The following SGCZ variants were observed in gnomAD, a reference collection of about 807,000 sequenced individuals.
SGCZ encodes the protein zeta-sarcoglycan.
Under a neutral mutation model 41.3 loss-of-function variants are expected in SGCZ, and 40 were observed. The ratio of observed to expected loss-of-function variants is 0.97; its 90% CI spans 0.75 to 1.26. The LOEUF is 1.26. Among genes scored for constraint, SGCZ ranks in the 50% most tolerant of loss-of-function variants. The pLI is 0.00. For synonymous variants in SGCZ, 206 were observed against 137.5 expected (o/e 1.50, Z -3.49); for missense variants, 552 against 369.8 (o/e 1.49, Z -4.04).
intron 1 of SGCZ, among the ~76,000 whole-genome samples, chr8:15,011,883 T>A (rs919434158): frequency 1.3e-5 from 2 of 152,228 alleles, no homozygotes; most frequent in African/African-American, 4.8e-5. Context: ...ATTTGTACTA[T>A]AAGTTTATTC....
At chr8:14,646,594 T>G (rs1227829350) in intron 1 of SGCZ, among the ~76,000 whole-genome samples, 3 of 151,918 alleles carry the variant, frequency 2.0e-5, no homozygotes, top group African/African-American at 7.2e-5. Context: ...TTTGCTGGAT[T>G]GGATGGTAGT....
intron 3 of SGCZ, among the ~76,000 whole-genome samples, chr8:14,239,304 C>G (rs975280416): frequency 1.3e-5 from 2 of 151,066 alleles, no homozygotes; most frequent in Admixed American, 1.3e-4. Flanking sequence ...TCAATCTTGG[C>G]AAAATTCAAT....
intron 3 of SGCZ, chr8:14,319,609 T>G (rs1801851427): frequency 6.6e-6 from 1 of 151,936 alleles, no homozygotes; most frequent in African/African-American, 2.4e-5. Context: ...AACTGAGAAA[T>G]GGAAAATCCA....
At chr8:14,321,133 CT>C (rs908700699) in intron 3 of SGCZ, among the ~76,000 whole-genome samples, 3 of 152,166 alleles carry the variant, frequency 2.0e-5, no homozygotes, top group Middle Eastern at 3.4e-3. Context: ...GATTACACAT[CT>C]TTTGTATTGT....
chr8:14,216,983 G>A (rs1806015659), intron 4 of SGCZ, among the ~76,000 whole-genome samples: 1 of 152,144 alleles, frequency 6.6e-6, no homozygotes, highest in Non-Finnish European at 1.5e-5. Context: ...CATATGTGGT[G>A]AAATTGTATA....
rs201855098 is a variant in SGCZ at position 14,462,277 on chromosome 8, G to GA, written c.234+92454dup. On this transcript the variant is annotated intron_variant, in intron 2 of 7. Transcript: ENST00000382080. ...ATGGAAAAAACATATAGAGGTGCAA[G>GA]AAAAAAAAATGGAACACACAGGTAT... Among the ~76,000 whole-genome samples the GA allele has an allele frequency of 8.2e-3, 1,220 of 149,348 alleles. 23 individuals are homozygous for GA. Among genetic ancestry groups the GA allele is most frequent in the African/African-American group, 0.029 (1,166 of 40,864 alleles).
At chr8:14,282,909 G>A (rs1357427527) in intron 3 of SGCZ, among the ~76,000 whole-genome samples, 1 of 127,522 alleles carries the variant, frequency 7.8e-6, no homozygotes, top group East Asian at 2.4e-4. Context: ...GAGTGTAGTG[G>A]CGCGATCTCA....
At chr8:14,745,670 T>C (rs370443761) in intron 1 of SGCZ, among the ~76,000 whole-genome samples, 37 of 152,006 alleles carry the variant, frequency 2.4e-4, no homozygotes, top group African/African-American at 6.0e-4. Context: ...CACATACATA[T>C]ACGTATCTAT....
chr8:14,910,712 T>C (rs976431013), intron 1 of SGCZ, among the ~76,000 whole-genome samples: 8 of 151,878 alleles, frequency 5.3e-5, no homozygotes, highest in Non-Finnish European at 1.2e-4. Flanking sequence ...GCCCAAAATT[T>C]CTTCAAATTT....
At chr8:14,263,814 T>G (rs908159155) in intron 3 of SGCZ, among the ~76,000 whole-genome samples, 1 of 152,080 alleles carries the variant, frequency 6.6e-6, no homozygotes, top group Non-Finnish European at 1.5e-5. Context: ...ACTGCCATCT[T>G]CACCCCTCTC....
At chr8:14,687,830 A>G (rs1182366146) in intron 1 of SGCZ, among the ~76,000 whole-genome samples, 1 of 151,922 alleles carries the variant, frequency 6.6e-6, no homozygotes, top group South Asian at 2.1e-4. Context: ...AAGTGTTCCT[A>G]TTTCTCCACA....
At chr8:15,082,458 A>G (rs947020398) in intron 1 of SGCZ, among the ~76,000 whole-genome samples, 45 of 121,798 alleles carry the variant, frequency 3.7e-4, no homozygotes, top group Admixed American at 2.8e-3. Flanking sequence ...GTGTGTGTGT[A>G]TAAAACTGTT....
At chr8:14,974,697 C>G (rs771181109) in intron 1 of SGCZ, among the ~76,000 whole-genome samples, 5 of 152,108 alleles carry the variant, frequency 3.3e-5, no homozygotes, top group African/African-American at 1.2e-4. Flanking sequence ...AAGAACTCTT[C>G]GTGCATGATT....
At chr8:14,302,179 C>A (rs1366996229) in intron 3 of SGCZ, among the ~76,000 whole-genome samples, 1 of 152,058 alleles carries the variant, frequency 6.6e-6, no homozygotes, top group East Asian at 1.9e-4. Flanking sequence ...CACCTCTTAA[C>A]AATCAAAAAT....
At chr8:15,066,074 C>T (rs1585528486) in intron 1 of SGCZ, among the ~76,000 whole-genome samples, 1 of 151,250 alleles carries the variant, frequency 6.6e-6, no homozygotes, top group African/African-American at 2.4e-5. Context: ...TTTGGGAGGC[C>T]GAGGCGGGTG....
intron 1 of SGCZ, among the ~76,000 whole-genome samples, chr8:14,596,302 A>G (rs1259673077): frequency 6.6e-6 from 1 of 152,214 alleles, no homozygotes; most frequent in Non-Finnish European, 1.5e-5. Context: ...TGCCTAGTAT[A>G]TAGGATAATA....
At position 14,390,328 on chromosome 8, in the gene SGCZ, C is replaced by T. The variant is rs1054107046; in HGVS notation, c.235-66124G>A. ...TGTTTAATAATTTCATATTAAAATACGTACTATATTTACATTGCTTTAATC... is the reference window on the plus strand; with the variant it reads ...TGTTTAATAATTTCATATTAAAATATGTACTATATTTACATTGCTTTAATC... On this transcript the variant is annotated intron_variant, in intron 2 of 7. Coordinates refer to ENST00000382080, the MANE Select transcript of SGCZ (RefSeq NM_139167.4). Among the ~76,000 whole-genome samples, 35 of 150,836 alleles carry T rather than the reference C, an allele frequency of 2.3e-4. 1 individual carries two copies. Among genetic ancestry groups the T allele is most frequent in the Admixed American group, 1.4e-3 (22 of 15,184 alleles).
rs547799539 is a variant in SGCZ at position 14,835,294 on chromosome 8, A to G, written c.40-280368T>C. Among the ~76,000 whole-genome samples, 7 of 152,322 alleles carry G rather than the reference A, an allele frequency of 4.6e-5. No individual in the cohort carries two copies. The South Asian group carries it at 1.5e-3, about 32-fold the overall frequency. On this transcript the variant is annotated intron_variant, in intron 1 of 7. Transcript: ENST00000382080. ...GCGAACTAACCTGACCTATTATACT[A>G]GGATTCCAAATAAATACTAATATTT... is the stretch of plus-strand genomic sequence containing the variant.
At chr8:14,100,694 G>A (rs981035106) in intron 7 of SGCZ, among the ~76,000 whole-genome samples, 1 of 150,162 alleles carries the variant, frequency 6.7e-6, no homozygotes, top group African/African-American at 2.4e-5. Flanking sequence ...CTCTAATATG[G>A]TCCTACCAGT....
Sources: gnomAD v4.1 joint callset for allele counts (sites outside exome capture counted in the v4.1 genomes callset) on GRCh38, gnomAD v4.1.1 for gene constraint, MANE v1.5 for transcripts, NCBI Gene and HGNC (gene_info 2026-07-23, HGNC 2026-07-21) for gene names.